ZNF704: variants seen among roughly 807,000 people sequenced by gnomAD.
ZNF704 encodes zinc finger protein 704.
ZNF704 carries 10 observed loss-of-function variants against 44.7 expected under a neutral mutation model. The ratio of observed to expected loss-of-function variants is 0.22; its 90% CI spans 0.14 to 0.38. ZNF704 has a LOEUF of 0.38. Ranked by LOEUF, ZNF704 falls within the 10% of genes least tolerant of loss-of-function variation. ZNF704 has a pLI of 1.00. For synonymous variants in ZNF704, 211 were observed against 207.6 expected, an observed-to-expected ratio of 1.02 and a Z score of -0.14; for missense variants, 390 against 545.5, an observed-to-expected ratio of 0.71 and a Z score of 2.84.
chr8:80,730,824 T>C (rs1340514544), intron 2 of ZNF704, among the ~76,000 whole-genome samples: 2 of 152,152 alleles, frequency 1.3e-5, no homozygotes, highest in Non-Finnish European at 2.9e-5. Flanking sequence ...CAACATGAGT[T>C]GAATTAGTTA....
At position 80,634,183 on chromosome 8, in the gene ZNF704, C is replaced by T. The variant is rs1050455824; in HGVS notation, c.*7183G>A. 3 of 152,214 alleles carry T rather than the reference C, an allele frequency of 2.0e-5. No individual in the cohort carries two copies. The highest frequency in any genetic ancestry group is 4.4e-5 in the Non-Finnish European group (3 of 68,058). 9.4% of individuals were successfully genotyped at this position (152,214 alleles called of 1,614,324 possible). A position where few individuals can be genotyped will look rare whatever the true frequency, so the allele number is the denominator to read the frequency against. On this transcript the variant is annotated 3_prime_UTR_variant, in exon 9 of 9. Coordinates refer to ENST00000327835, the MANE Select transcript of ZNF704 (RefSeq NM_001033723.3). ...AAGGCACGAGGCTGCTCTTTGCCAG[C>T]CCCTCATCACAGTGGCCACGGTAGA... is the stretch of plus-strand genomic sequence containing the variant.
chr8:80,753,845 C>T lies in ZNF704; in HGVS notation c.222-60738G>A, dbSNP rs150490320. Among the ~76,000 whole-genome samples, 1,196 of 152,266 alleles carry T rather than the reference C, an allele frequency of 7.9e-3. 11 individuals carry two copies. The highest frequency in any genetic ancestry group is 0.012 in the Non-Finnish European group (790 of 68,024). The stretch of plus-strand genomic sequence containing the variant: ...GGGTTGATGGAAAAAATATGCAGTG[C>T]CAAATAGCTAGGCCTCTCCGACCCT... On this transcript the variant is annotated intron_variant, in intron 2 of 8. Coordinates refer to ENST00000327835, the MANE Select transcript of ZNF704 (RefSeq NM_001033723.3).
chr8:80,712,043 T>C (rs1261404868), intron 2 of ZNF704, among the ~76,000 whole-genome samples: 1 of 152,248 alleles, frequency 6.6e-6, no homozygotes, highest in East Asian at 1.9e-4. Context: ...TGTTGGAAAC[T>C]TAATCCCCAA....
At chr8:80,643,627 C>T (rs1817781870) in intron 7 of ZNF704, among the ~76,000 whole-genome samples, 1 of 151,350 alleles carries the variant, frequency 6.6e-6, no homozygotes, top group Non-Finnish European at 1.5e-5. Context: ...AATTAAAATG[C>T]ATTCCCAAAC....
intron 1 of ZNF704, among the ~76,000 whole-genome samples, chr8:80,852,418 T>C (rs1256230277): frequency 6.6e-6 from 1 of 152,240 alleles, no homozygotes; most frequent in Non-Finnish European, 1.5e-5. Flanking sequence ...ACTTTAATAA[T>C]TTCTGTTGCC....
chr8:80,720,916 G>A (rs527433167), intron 2 of ZNF704, among the ~76,000 whole-genome samples: 1 of 152,352 alleles, frequency 6.6e-6, no homozygotes, highest in South Asian at 2.1e-4. Flanking sequence ...CCTGGGCCAG[G>A]CAGGGGCCAG....
chr8:80,747,769 T>C (rs1806870821), intron 2 of ZNF704, among the ~76,000 whole-genome samples: 1 of 152,206 alleles, frequency 6.6e-6, no homozygotes, highest in South Asian at 2.1e-4. Flanking sequence ...CAGGCTGGAG[T>C]GCAGTGGTGC....
chr8:80,784,533 T>A (rs962113492), intron 2 of ZNF704, among the ~76,000 whole-genome samples: 5 of 152,234 alleles, frequency 3.3e-5, no homozygotes, highest in African/African-American at 1.2e-4. Flanking sequence ...CCTCTTTTCA[T>A]ATGCTTATTT....
rs1682420280 is a variant in ZNF704 at position 80,631,654 on chromosome 8, T to C, written c.*9712A>G. On this transcript the variant is annotated 3_prime_UTR_variant, in exon 9 of 9. Coordinates refer to ENST00000327835, the MANE Select transcript of ZNF704 (RefSeq NM_001033723.3). ...GGGTTGGTGACTTGCACGGCGGGCT[T>C]TGAGGCACAGTGAAAGGATTAGCTA... 6.6e-6 allele frequency: 1 copy of C among 152,218 alleles called. No homozygotes were observed. Among genetic ancestry groups the C allele is most frequent in the South Asian group, 2.1e-4 (1 of 4,826 alleles). 9.4% of individuals were successfully genotyped at this position (152,218 alleles called of 1,614,324 possible).
At chr8:80,724,490 T>G (rs909935808) in intron 2 of ZNF704, among the ~76,000 whole-genome samples, 4 of 152,210 alleles carry the variant, frequency 2.6e-5, no homozygotes, top group Non-Finnish European at 5.9e-5. Flanking sequence ...CTATTTTAAT[T>G]GTATACACTA....
chr8:80,694,933 G>A (rs764608236), intron 2 of ZNF704, among the ~76,000 whole-genome samples: 1 of 152,102 alleles, frequency 6.6e-6, no homozygotes, highest in Non-Finnish European at 1.5e-5. Context: ...TGTAAAACAA[G>A]CTTAAGAGTG....
At chr8:80,853,577 A>C (rs553677000) in intron 1 of ZNF704, among the ~76,000 whole-genome samples, 1 of 152,332 alleles carries the variant, frequency 6.6e-6, no homozygotes, top group Non-Finnish European at 1.5e-5. Context: ...AAAGACAACG[A>C]AACTATAGAA....
At chr8:80,751,987 G>A (rs994526148) in intron 2 of ZNF704, among the ~76,000 whole-genome samples, 8 of 151,980 alleles carry the variant, frequency 5.3e-5, no homozygotes, top group Middle Eastern at 3.2e-3. Context: ...CAGGTGATCC[G>A]CCCACCTCCA....
At chr8:80,827,365 G>A (rs1382000948) in intron 1 of ZNF704, among the ~76,000 whole-genome samples, 50 of 152,058 alleles carry the variant, frequency 3.3e-4, no homozygotes, top group Non-Finnish European at 1.0e-4. Context: ...AACTTACAAG[G>A]GATGTGAAGG....
rs985514229 is a variant in ZNF704 at position 80,628,944 on chromosome 8, A to C, written c.*12422T>G. 1 of 152,220 alleles carries C rather than the reference A, an allele frequency of 6.6e-6. No homozygotes were observed. The highest frequency in any genetic ancestry group is 1.5e-5 in the Non-Finnish European group (1 of 68,032). The allele number at this position is 152,220 out of a possible 1,614,324, so 9.4% of individuals were successfully genotyped here. A position where few individuals can be genotyped will look rare whatever the true frequency, so the allele number is the denominator to read the frequency against. ...GGGAAAGTGCAGTTTAACTGGTATG[A>C]ACATTTAACATTGTACATCTTCGAT... On this transcript the variant is annotated 3_prime_UTR_variant, in exon 9 of 9. Transcript: ENST00000327835.
intron 2 of ZNF704, among the ~76,000 whole-genome samples, chr8:80,726,832 T>TGCACACACACACAC (rs1806489222): frequency 7.5e-6 from 1 of 132,458 alleles, no homozygotes; most frequent in Non-Finnish European, 1.6e-5. Flanking sequence ...CACACACACA[T>TGCACACACACACAC]GCACACACAC....
intron 1 of ZNF704, among the ~76,000 whole-genome samples, chr8:80,823,383 G>C (rs930332487): frequency 6.6e-6 from 1 of 152,230 alleles, no homozygotes; most frequent in African/African-American, 2.4e-5. Context: ...AGGGGCATCA[G>C]CCACTGCTGA....
intron 2 of ZNF704, among the ~76,000 whole-genome samples, chr8:80,789,401 TAAGTTA>T (rs1279317128): frequency 6.6e-6 from 1 of 152,150 alleles, no homozygotes; most frequent in Non-Finnish European, 1.5e-5. Flanking sequence ...TGTAATGTGC[TAAGTTA>T]AATTAATTGT....
intron 2 of ZNF704, among the ~76,000 whole-genome samples, chr8:80,702,129 A>G (rs1472204220): frequency 2.6e-5 from 4 of 152,164 alleles, no homozygotes; most frequent in African/African-American, 9.7e-5. Flanking sequence ...CTCCAATGGA[A>G]GTAGCTTTAG....
Sources: gnomAD v4.1 joint callset for allele counts (sites outside exome capture counted in the v4.1 genomes callset) on GRCh38, gnomAD v4.1.1 for gene constraint, MANE v1.5 for transcripts, NCBI Gene and HGNC (gene_info 2026-07-23, HGNC 2026-07-21) for gene names.